The following PDK1 variants were observed in gnomAD, a reference collection of about 807,000 sequenced individuals.
The protein encoded by PDK1 is [Pyruvate dehydrogenase (acetyl-transferring)] kinase isozyme 1, mitochondrial.
A neutral mutation model predicts 54.2 loss-of-function variants in PDK1; 39 were observed. That is an observed-to-expected ratio of 0.72 (90% CI 0.56 to 0.94). The LOEUF is 0.94. PDK1 is among the 40% of genes least tolerant of loss of function. The pLI is 0.00. For missense variants in PDK1, 552 were observed against 566.0 expected, an observed-to-expected ratio of 0.98 and a Z score of 0.25; for synonymous variants, 221 against 207.1, an observed-to-expected ratio of 1.07 and a Z score of -0.58.
rs1264322739 is a variant in PDK1 at position 172,570,716 on chromosome 2, T to C, written c.847-10T>C. ...AGCTGTATTTTTAATACAACCCTAA[T>C]GTATTTCAGAATGCAATGAGAGCCA... is the stretch of plus-strand genomic sequence containing the variant. On this transcript the variant is annotated splice_polypyrimidine_tract_variant and intron_variant, in intron 7 of 10. Coordinates refer to ENST00000282077, the MANE Select transcript of PDK1 (RefSeq NM_002610.5). 5 of 1,505,632 alleles carry C rather than the reference T, an allele frequency of 3.3e-6. No individual in the cohort carries two copies. Among genetic ancestry groups the C allele is most frequent in the Non-Finnish European group, 4.6e-6 (5 of 1,084,508 alleles). The allele number at this position is 1,505,632 out of a possible 1,614,324, so 93.3% of individuals were successfully genotyped here. A position where few individuals can be genotyped will look rare whatever the true frequency, so the allele number is the denominator to read the frequency against.
chr2:172,556,052 A>G (rs1469712672), upstream of PDK1: 2 of 928,288 alleles, frequency 2.2e-6, no homozygotes, highest in African/African-American at 3.5e-5. Flanking sequence ...GTGACAGCCG[A>G]TCCCCGCCCC....
chr2:172,657,466 C>CTTTTTTTTTTTTTTTGTTTT, the PDK1 span, among the ~76,000 whole-genome samples: 1 of 107,182 alleles, frequency 9.3e-6, no homozygotes. Flanking sequence ...TATTTTTTAA[C>CTTTTTTTTTTTTTTTGTTTT]TTGTGGTTTT....
rs1388407246 is a variant in PDK1 at position 172,601,328 on chromosome 2, T to A, written c.*5359T>A. 2 of 152,122 alleles carry A rather than the reference T, an allele frequency of 1.3e-5. No individual in the cohort carries two copies. The highest frequency in any genetic ancestry group is 2.9e-5 in the Non-Finnish European group (2 of 68,010). The allele number at this position is 152,122 out of a possible 1,614,324, so 9.4% of individuals were successfully genotyped here. ...TACGGGTTTATTTTAAAGTTTAAAATAGAAGTAAACAAGCAAACATACTGA... is the reference window on the plus strand; with the variant it reads ...TACGGGTTTATTTTAAAGTTTAAAAAAGAAGTAAACAAGCAAACATACTGA... On this transcript the variant is annotated 3_prime_UTR_variant, in exon 11 of 11. Coordinates refer to ENST00000282077, the MANE Select transcript of PDK1 (RefSeq NM_002610.5).
At chr2:172,654,699 T>G in the PDK1 span, among the ~76,000 whole-genome samples, 3 of 152,160 alleles carry the variant, frequency 2.0e-5, no homozygotes, top group Non-Finnish European at 4.4e-5. Flanking sequence ...ACATGGCACA[T>G]GTATACATAT....
intron 8 of PDK1, among the ~76,000 whole-genome samples, chr2:172,578,671 T>C (rs1473805286): frequency 6.6e-6 from 1 of 152,174 alleles, no homozygotes; most frequent in Admixed American, 6.5e-5. Context: ...TAAAATAATA[T>C]ATTTTGACAG....
chr2:172,631,565 G>A, the PDK1 span, among the ~76,000 whole-genome samples: 17 of 152,126 alleles, frequency 1.1e-4, no homozygotes, highest in Non-Finnish European at 2.2e-4. Flanking sequence ...TAAATAATGA[G>A]ATGGAGACAA....
chr2:172,594,964 C>T (rs574658005), intron 10 of PDK1, among the ~76,000 whole-genome samples: 2 of 151,998 alleles, frequency 1.3e-5, no homozygotes, highest in African/African-American at 4.8e-5. Context: ...AATTGGAGGC[C>T]GGAGAAGACA....
At chr2:172,677,254 A>G in the PDK1 span, 1 of 152,344 alleles carries the variant, frequency 6.6e-6, no homozygotes, top group Non-Finnish European at 1.5e-5. Context: ...TTTTTGCAGC[A>G]AGTAGCATTT....
At chr2:172,616,176 T>C in the PDK1 span, among the ~76,000 whole-genome samples, 2 of 152,114 alleles carry the variant, frequency 1.3e-5, no homozygotes, top group East Asian at 3.8e-4. Context: ...GTAAAATCAC[T>C]TTCAAAACCA....
At chr2:172,688,940 T>C in the PDK1 span, among the ~76,000 whole-genome samples, 2 of 152,178 alleles carry the variant, frequency 1.3e-5, no homozygotes, top group Non-Finnish European at 2.9e-5. Context: ...CAGACCTTCA[T>C]GGTGAGTGTT....
chr2:172,701,752 A>T, the PDK1 span, among the ~76,000 whole-genome samples: 1 of 151,028 alleles, frequency 6.6e-6, no homozygotes, highest in East Asian at 1.9e-4. Context: ...CACATTTAGA[A>T]TAGTTCTATG....
chr2:172,615,212 C>T, the PDK1 span, among the ~76,000 whole-genome samples: 1 of 152,148 alleles, frequency 6.6e-6, no homozygotes, highest in Non-Finnish European at 1.5e-5. Flanking sequence ...TCACTGCCAA[C>T]GTTGGATTCA....
chr2:172,576,331 A>G (rs867754099), intron 8 of PDK1, among the ~76,000 whole-genome samples: 1 of 151,696 alleles, frequency 6.6e-6, no homozygotes, highest in African/African-American at 2.4e-5. Flanking sequence ...TTTTTGTAAG[A>G]TTGGTAGTGA....
chr2:172,555,876 G>A (rs760741093), upstream of PDK1: 14 of 315,086 alleles, frequency 4.4e-5, no homozygotes, highest in Non-Finnish European at 6.9e-5. Context: ...GCTGCGGCCT[G>A]GCGCGCGCTC....
the PDK1 span, among the ~76,000 whole-genome samples, chr2:172,712,779 G>A: frequency 6.6e-6 from 1 of 152,194 alleles, no homozygotes; most frequent in African/African-American, 2.4e-5. Flanking sequence ...GGCAAGCAGG[G>A]GTGGAGGGTG....
At chr2:172,663,198 T>A in the PDK1 span, among the ~76,000 whole-genome samples, 1 of 152,202 alleles carries the variant, frequency 6.6e-6, no homozygotes, top group South Asian at 2.1e-4. Context: ...ATGACCAGTT[T>A]CTCCCTCTGT....
At chr2:172,575,390 G>A (rs1558940150) in intron 8 of PDK1, among the ~76,000 whole-genome samples, 2 of 152,156 alleles carry the variant, frequency 1.3e-5, no homozygotes, top group African/African-American at 4.8e-5. Context: ...TGAAGGATTG[G>A]TATTAATTCT....
chr2:172,704,902 G>T, the PDK1 span, among the ~76,000 whole-genome samples: 3 of 152,030 alleles, frequency 2.0e-5, no homozygotes, highest in Non-Finnish European at 4.4e-5. Flanking sequence ...AATATCAACC[G>T]AATACAAAGA....
rs1009049567 is a variant in PDK1 at position 172,607,290 on chromosome 2, A to T, written c.*11321A>T. On this transcript the variant is annotated 3_prime_UTR_variant, in exon 11 of 11. Coordinates refer to ENST00000282077, the MANE Select transcript of PDK1 (RefSeq NM_002610.5). ...TGGGTGACAGAGCGAGGTTGCTTCTAAAACAAAAATTTGAAATAGTAAGTG... is the reference window on the plus strand; with the variant it reads ...TGGGTGACAGAGCGAGGTTGCTTCTTAAACAAAAATTTGAAATAGTAAGTG... The T allele has an allele frequency of 1.3e-5, 2 of 152,234 alleles. No homozygotes were observed. Among genetic ancestry groups the T allele is most frequent in the Admixed American group, 6.5e-5 (1 of 15,280 alleles). 9.4% of individuals were successfully genotyped at this position (152,234 alleles called of 1,614,324 possible).
Sources: gnomAD v4.1 joint callset for allele counts (sites outside exome capture counted in the v4.1 genomes callset) on GRCh38, gnomAD v4.1.1 for gene constraint, MANE v1.5 for transcripts, NCBI Gene and HGNC (gene_info 2026-07-23, HGNC 2026-07-21) for gene names.